CHAT: variants seen among roughly 807,000 people sequenced by gnomAD.
CHAT encodes the protein acetyl CoA:choline O-acetyltransferase.
CHAT carries 61 observed loss-of-function variants against 76.9 expected under a neutral mutation model. That is an observed-to-expected ratio of 0.79 (90% CI 0.65 to 0.98). The LOEUF (loss-of-function observed/expected upper bound fraction) is 0.98, where lower values mean the gene tolerates loss of function less well. Among genes scored for constraint, CHAT ranks in the 50% least tolerant of loss-of-function variants. CHAT has a pLI of 0.00. For synonymous variants in CHAT, 407 were observed against 397.4 expected (o/e 1.02, Z -0.29); for missense variants, 946 against 986.9 (o/e 0.96, Z 0.56).
In CHAT at chr10:49,646,674, G is replaced by A. The variant is rs1839679568; in HGVS notation, c.1281G>A (p.Gln427=). The part of the protein sequence containing the change: ...GANRWYDKSL[Q]FVVGRDGTCG... ...ATCGCTGGTACGACAAGTCCCTGCA[G>A]GTAAGCCGTCCAGGTGGCCCTGCAA... The change falls in exon 8 of 15, where the codon CAG becomes CAA. Residue 427 remains glutamine (Q), a splice_region_variant and synonymous_variant. Transcript: ENST00000337653. The A allele has an allele frequency of 2.5e-6, 4 of 1,613,348 alleles. No individual in the cohort carries two copies. Among genetic ancestry groups the A allele is most frequent in the Non-Finnish European group, 2.5e-6 (3 of 1,180,008 alleles).
intron 9 of CHAT, 42 bp downstream of exon 9, chr10:49,648,649 ATG>A: frequency 7.1e-7 from 1 of 1,403,222 alleles, no homozygotes; most frequent in East Asian, 2.3e-5. Flanking sequence ...GCCCAAAAAA[ATG>A]TGGGTGGTCG....
upstream of CHAT, chr10:49,613,923 T>C: frequency 1.7e-6 from 1 of 572,468 alleles, no homozygotes; most frequent in East Asian, 3.1e-5. Flanking sequence ...CTGGCCTGGA[T>C]GGTGGGGAGA....
upstream of CHAT, chr10:49,612,156 G>T (rs1336034969): frequency 2.5e-6 from 4 of 1,611,260 alleles, no homozygotes; most frequent in Non-Finnish European, 3.4e-6. Flanking sequence ...TCCGCAACGT[G>T]GGCCTCCTGA....
chr10:49,622,487 G>C (rs539344008), intron 5 of CHAT, among the ~76,000 whole-genome samples: 2 of 152,364 alleles, frequency 1.3e-5, no homozygotes, highest in East Asian at 3.9e-4. Flanking sequence ...AGAGTAAGGT[G>C]ATGGGAGTTC....
At chr10:49,639,821 C>T (rs1839420793) in intron 7 of CHAT, among the ~76,000 whole-genome samples, 1 of 151,906 alleles carries the variant, frequency 6.6e-6, no homozygotes. Flanking sequence ...TGCCCTCTTT[C>T]TCCTCTCCTG....
chr10:49,654,091 G>A (rs1232730583), intron 11 of CHAT, among the ~76,000 whole-genome samples: 1 of 152,260 alleles, frequency 6.6e-6, no homozygotes, highest in African/African-American at 2.4e-5. Flanking sequence ...GAAACCTAGA[G>A]GCTGCCTGAA....
At chr10:49,649,068 A>G (rs17775704) in intron 9 of CHAT, among the ~76,000 whole-genome samples, 15,302 of 151,980 alleles carry the variant, frequency 0.1, 1,057 homozygotes, top group Non-Finnish European at 0.15. Flanking sequence ...TCTATTCCCA[A>G]TTTTACCCAT....
intron 8 of CHAT, 44 bp downstream of exon 8, chr10:49,646,718 AGC>A: frequency 6.2e-7 from 1 of 1,605,196 alleles, no homozygotes. Context: ...CCATGCCCCC[AGC>A]GAGAGAGTGA....
At chr10:49,609,461 G>T (rs1838232181), upstream of CHAT, among the ~76,000 whole-genome samples, 1 of 151,996 alleles carries the variant, frequency 6.6e-6, no homozygotes, top group Non-Finnish European at 1.5e-5. Flanking sequence ...GTGGGGAGGG[G>T]GTGCGGCGGC....
intron 7 of CHAT, among the ~76,000 whole-genome samples, chr10:49,635,198 G>A (rs554805867): frequency 6.6e-6 from 1 of 152,226 alleles, no homozygotes; most frequent in African/African-American, 2.4e-5. Context: ...TATGATGCAG[G>A]GTCTGGCTTT....
chr10:49,642,907 G>A (rs1396803942), intron 7 of CHAT, among the ~76,000 whole-genome samples: 1 of 152,196 alleles, frequency 6.6e-6, no homozygotes, highest in Non-Finnish European at 1.5e-5. Context: ...ACCACACTGA[G>A]CTCTTCCATG....
upstream of CHAT, among the ~76,000 whole-genome samples, chr10:49,613,525 G>T (rs940452134): frequency 2.6e-5 from 4 of 152,340 alleles, no homozygotes; most frequent in African/African-American, 9.6e-5. Flanking sequence ...AGAGGCGGCT[G>T]GTCAGGGTCG....
At chr10:49,650,010 A>G (rs1337177634) in intron 10 of CHAT, among the ~76,000 whole-genome samples, 1 of 151,838 alleles carries the variant, frequency 6.6e-6, no homozygotes, top group Non-Finnish European at 1.5e-5. Context: ...AATTTGCTTG[A>G]ATGTACAGTG....
chr10:49,643,402 C>T (rs1472590318), intron 7 of CHAT, among the ~76,000 whole-genome samples: 2 of 152,214 alleles, frequency 1.3e-5, no homozygotes, highest in Non-Finnish European at 2.9e-5. Context: ...TACTATACAC[C>T]TCCTGGCATG....
At chr10:49,624,252 T>C (rs1264219967) in intron 5 of CHAT, among the ~76,000 whole-genome samples, 1 of 152,172 alleles carries the variant, frequency 6.6e-6, no homozygotes, top group African/African-American at 2.4e-5. Context: ...CAACAAAAAA[T>C]TGATTACTAG....
intron 11 of CHAT, among the ~76,000 whole-genome samples, chr10:49,654,394 T>C (rs1206771705): frequency 6.6e-6 from 1 of 152,220 alleles, no homozygotes; most frequent in Non-Finnish European, 1.5e-5. Flanking sequence ...CTCTGTGTCT[T>C]TTTTCCTCCC....
upstream of CHAT, among the ~76,000 whole-genome samples, chr10:49,612,943 A>G (rs1838340008): frequency 6.6e-6 from 1 of 152,172 alleles, no homozygotes; most frequent in Non-Finnish European, 1.5e-5. Context: ...TCAGCCCAGG[A>G]TAGACCCTCT....
At chr10:49,646,982 ATTTC>A in intron 8 of CHAT, 1 of 466,264 alleles carries the variant, frequency 2.1e-6, no homozygotes, top group Non-Finnish European at 4.0e-6. Flanking sequence ...CCTGGGGCCC[ATTTC>A]CCATCACCCA....
chr10:49,646,790 A>G, intron 8 of CHAT, 116 bp downstream of exon 8: 1 of 1,206,418 alleles, frequency 8.3e-7, no homozygotes, highest in South Asian at 1.3e-5. Flanking sequence ...TGGCAGGCGC[A>G]CTCACTGGTT....
Sources: gnomAD v4.1 joint callset for allele counts (sites outside exome capture counted in the v4.1 genomes callset) on GRCh38, gnomAD v4.1.1 for gene constraint, MANE v1.5 for transcripts, NCBI Gene and HGNC (gene_info 2026-07-23, HGNC 2026-07-21) for gene names.